RELN: variants seen among roughly 807,000 people sequenced by gnomAD.
RELN encodes reelin.
Under a neutral mutation model 427.6 loss-of-function variants are expected in RELN, and 108 were observed. The observed-to-expected ratio is 0.25, with a 90% CI of 0.22 to 0.30. RELN has a LOEUF of 0.30. Ranked by LOEUF, RELN falls within the 10% of genes least tolerant of loss-of-function variation. The pLI, the probability that RELN is intolerant of heterozygous loss-of-function variation, is 1.00. For synonymous variants in RELN, 1,524 were observed against 1,513.4 expected, an observed-to-expected ratio of 1.01 and a Z score of -0.16; for missense variants, 3,715 against 4,302.8, an observed-to-expected ratio of 0.86 and a Z score of 3.82.
intron 50 of RELN, 74 bp downstream of exon 50, chr7:103,515,111 C>T: frequency 6.3e-7 from 1 of 1,590,484 alleles, no homozygotes; most frequent in Non-Finnish European, 8.6e-7. Flanking sequence ...CCATATTTTG[C>T]TCTTTTGAAA....
chr7:103,812,961 T>A lies in RELN; in HGVS notation c.473+20576A>T, dbSNP rs78734093. 9.3e-4 allele frequency among the ~76,000 whole-genome samples: 142 copies of A among 152,336 alleles called. 1 individual carries two copies. The East Asian group carries it at 0.024, about 26-fold the overall frequency. Reference sequence around the variant, plus strand: ...ATATTTAAGCTCAATTCTTTCCTAGTTATTTCCTGTCTCTAACAATCTCCA... The same window carrying A: ...ATATTTAAGCTCAATTCTTTCCTAGATATTTCCTGTCTCTAACAATCTCCA... On this transcript the variant is annotated intron_variant, in intron 3 of 64. Coordinates refer to ENST00000428762, the MANE Select transcript of RELN (RefSeq NM_005045.4).
At position 103,833,641 on chromosome 7, in the gene RELN, C is replaced by A. The variant is rs773546470; in HGVS notation, c.369G>T (p.Gln123His). 6.2e-7 allele frequency: 1 copy of A among 1,613,866 alleles called. No individual in the cohort carries two copies. ...GIMSDHQFGN[Q>H]FMCSVVASHV... is the part of the protein sequence containing the mutation. ...GAGAGGCTACCACACTGCACATAAA[C>A]TGGTTACCAAACTGGTGGTCAGACA... The change falls in exon 3 of 65, where the codon CAG (glutamine) becomes CAT (histidine). Residue 123 changes from glutamine (Q) to histidine (H), a missense_variant. By Grantham distance (24) the Gln-to-His change is conservative. Around this residue, in one of 4 missense-constraint regions of RELN, gnomAD observed 2,208 missense variants for 2,361.7 expected, o/e 0.93. Transcript: ENST00000428762.
At chr7:103,814,825 T>C (rs995870302) in intron 3 of RELN, among the ~76,000 whole-genome samples, 1 of 152,176 alleles carries the variant, frequency 6.6e-6, no homozygotes, top group Non-Finnish European at 1.5e-5. Flanking sequence ...AGAGTTTAGG[T>C]CTTTCTAGCT....
intron 1 of RELN, among the ~76,000 whole-genome samples, chr7:103,932,931 G>T: frequency 6.6e-6 from 1 of 152,282 alleles, no homozygotes; most frequent in Non-Finnish European, 1.5e-5. Context: ...AGACAGACAC[G>T]TGCTAGAGCT....
chr7:103,497,139 A>T (rs1828866849), intron 55 of RELN, among the ~76,000 whole-genome samples: 1 of 152,158 alleles, frequency 6.6e-6, no homozygotes, highest in South Asian at 2.1e-4. Flanking sequence ...ATTTTATGCA[A>T]TTTAATTATT....
chr7:103,651,746 G>A lies in RELN; in HGVS notation c.1807C>T (p.Leu603Phe), dbSNP rs1832918906. ...TCAGGTAAGCATTCAGTGTGAAGGA[G>A]GGACCAGGAGCGCCCATGGTTGGTA... is the stretch of plus-strand genomic sequence containing the variant. ...FSTNHGRSWS[L>F]LHTECLPEIC... Residue 603 changes from leucine to phenylalanine, a missense_variant, in exon 15 of 65, where the codon CTC (leucine) becomes TTC (phenylalanine). By Grantham distance (22) the Leu-to-Phe change is conservative. This residue lies in a region of RELN where 2,208 missense variants were observed against 2,361.7 expected (regional missense o/e 0.93). Transcript: ENST00000428762. 1 of 1,611,674 alleles carries A rather than the reference G, an allele frequency of 6.2e-7. No individual in the cohort carries two copies. The highest frequency in any genetic ancestry group is 1.3e-5 in the African/African-American group (1 of 74,764).
intron 2 of RELN, among the ~76,000 whole-genome samples, chr7:103,891,372 G>A (rs1794845019): frequency 6.6e-6 from 1 of 152,046 alleles, no homozygotes; most frequent in African/African-American, 2.4e-5. Flanking sequence ...TTATCTTATT[G>A]TGCTGGCCAT....
chr7:103,967,875 G>C (rs1256608210), intron 1 of RELN, among the ~76,000 whole-genome samples: 1 of 152,120 alleles, frequency 6.6e-6, no homozygotes, highest in Admixed American at 6.5e-5. Context: ...CTAGATCTAA[G>C]GTTTCTCTTG....
At chr7:103,712,881 G>GA (rs1789839778) in intron 8 of RELN, among the ~76,000 whole-genome samples, 1 of 148,796 alleles carries the variant, frequency 6.7e-6, no homozygotes. Context: ...GTTTTGGGTA[G>GA]TTTTTTTTTT....
rs150671824 is a variant in RELN, at chr7:103,916,520, G to A, written c.337+555C>T. Among the ~76,000 whole-genome samples the A allele has an allele frequency of 2.2e-4, 34 of 152,264 alleles. No individual in the cohort carries two copies. The East Asian group carries it at 5.2e-3, about 23-fold the overall frequency. On this transcript the variant is annotated intron_variant, in intron 2 of 64. Coordinates refer to ENST00000428762, the MANE Select transcript of RELN (RefSeq NM_005045.4). ...CTCCTCTGAGATTAATGGACATCAC[G>A]TGGTCTTCTGTTTTAAGGCCTCTGA...
intron 3 of RELN, among the ~76,000 whole-genome samples, chr7:103,805,929 T>C (rs576649031): frequency 1.2e-4 from 19 of 152,264 alleles, no homozygotes; most frequent in South Asian, 1.2e-3. Flanking sequence ...CTATGGTCCA[T>C]AGAATTTTTT....
chr7:103,730,325 G>A (rs561651568), intron 6 of RELN, among the ~76,000 whole-genome samples: 111 of 151,728 alleles, frequency 7.3e-4, no homozygotes, highest in African/African-American at 2.6e-3. Flanking sequence ...TGTATTACAA[G>A]CCCCCTCCTT....
intron 8 of RELN, among the ~76,000 whole-genome samples, chr7:103,705,472 G>A (rs1243047685): frequency 6.6e-6 from 1 of 152,154 alleles, no homozygotes; most frequent in Non-Finnish European, 1.5e-5. Context: ...CTGATAGTAG[G>A]TGTATCTTAT....
chr7:103,531,758 T>C (rs1349336331), intron 46 of RELN, among the ~76,000 whole-genome samples: 3 of 151,620 alleles, frequency 2.0e-5, no homozygotes, highest in East Asian at 2.0e-4. Context: ...TCTGTGGCTA[T>C]TACAAAAGTA....
chr7:103,864,969 A>G (rs888277696), intron 2 of RELN, among the ~76,000 whole-genome samples: 3 of 151,838 alleles, frequency 2.0e-5, no homozygotes, highest in Admixed American at 6.6e-5. Context: ...CGTCTCTACT[A>G]AAAATATAAA....
chr7:103,742,310 T>TG (rs1157368792), intron 6 of RELN, among the ~76,000 whole-genome samples: 2 of 151,560 alleles, frequency 1.3e-5, no homozygotes, highest in Non-Finnish European at 2.9e-5. Flanking sequence ...ACCACAAAGA[T>TG]GGGAAAAAAA....
intron 1 of RELN, among the ~76,000 whole-genome samples, chr7:103,928,967 G>A (rs536814446): frequency 6.6e-6 from 1 of 152,276 alleles, no homozygotes; most frequent in Non-Finnish European, 1.5e-5. Context: ...TTTAGCCAAT[G>A]TTACATATAT....
intron 3 of RELN, among the ~76,000 whole-genome samples, chr7:103,799,433 T>C (rs1792390060): frequency 6.6e-6 from 1 of 152,184 alleles, no homozygotes; most frequent in African/African-American, 2.4e-5. Flanking sequence ...TACTCTCTTA[T>C]CAGTATTCTT....
intron 3 of RELN, among the ~76,000 whole-genome samples, chr7:103,781,457 G>A (rs1053203328): frequency 2.0e-5 from 3 of 152,100 alleles, no homozygotes; most frequent in Non-Finnish European, 2.9e-5. Flanking sequence ...AGATAAAATT[G>A]TATGTAAAGC....
Sources: gnomAD v4.1 joint callset for allele counts (sites outside exome capture counted in the v4.1 genomes callset) on GRCh38, gnomAD v4.1.1 for gene constraint, gnomAD v4.1.1 regional missense constraint, MANE v1.5 for transcripts, NCBI Gene and HGNC (gene_info 2026-07-23, HGNC 2026-07-21) for gene names.